Variants in LRMDA observed in about 807,000 individuals in gnomAD.
LRMDA encodes leucine rich melanocyte differentiation associated, also known as leucine-rich melanocyte differentiation-associated protein.
LRMDA carries 18 observed loss-of-function variants against 29.8 expected under a neutral mutation model. The observed-to-expected ratio is 0.60, with a 90% CI of 0.42 to 0.90. LRMDA has a LOEUF of 0.90. LRMDA is among the 40% of genes least tolerant of loss of function. The pLI is 0.00. For missense variants in LRMDA, 273 were observed against 273.9 expected, an observed-to-expected ratio of 1.00 and a Z score of 0.02; for synonymous variants, 125 against 109.4, an observed-to-expected ratio of 1.14 and a Z score of -0.89.
chr10:76,157,410 C>G (rs1898099), intron 5 of LRMDA, among the ~76,000 whole-genome samples: 105,624 of 151,948 alleles, frequency 0.7, 37,320 homozygotes, highest in East Asian at 0.85. Context: ...CTAGGAGTTT[C>G]AGACCAGCTG....
chr10:75,965,416 T>C (rs1267980719), intron 2 of LRMDA, among the ~76,000 whole-genome samples: 1 of 152,216 alleles, frequency 6.6e-6, no homozygotes, highest in Non-Finnish European at 1.5e-5. Flanking sequence ...TTCTAAATTA[T>C]GAGAATGTAT....
At chr10:75,605,411 T>A (rs568180509) in intron 2 of LRMDA, among the ~76,000 whole-genome samples, 38 of 152,320 alleles carry the variant, frequency 2.5e-4, no homozygotes, top group African/African-American at 6.3e-4. Context: ...AAATTTCCCG[T>A]GTTTGCCCCA....
At chr10:75,674,441 C>T (rs996451728) in intron 2 of LRMDA, among the ~76,000 whole-genome samples, 2 of 152,046 alleles carry the variant, frequency 1.3e-5, no homozygotes, top group Non-Finnish European at 2.9e-5. Context: ...CTTATGGCTT[C>T]CTTCAGATAT....
chr10:76,316,392 T>G (rs1160460645), intron 5 of LRMDA, among the ~76,000 whole-genome samples: 2 of 152,062 alleles, frequency 1.3e-5, no homozygotes, highest in Non-Finnish European at 2.9e-5. Context: ...GGCCGTGCGC[T>G]GTGGCCGAAC....
rs189966549 is a variant in LRMDA, at chr10:76,141,763, G to T, written c.516+82980G>T. ...AGCCCCTTGGTCCATCAGCCCCAAA[G>T]CGTAATTCCTTCTAAGGTTTGCAAA... On this transcript the variant is annotated intron_variant, in intron 5 of 6. Transcript: ENST00000611255. Among the ~76,000 whole-genome samples, 29 of 152,184 alleles carry T rather than the reference G, an allele frequency of 1.9e-4. No homozygotes were observed. The East Asian group carries it at 5.4e-3, about 28-fold the overall frequency.
intron 2 of LRMDA, among the ~76,000 whole-genome samples, chr10:75,765,161 T>C (rs1461013595): frequency 2.0e-5 from 3 of 152,168 alleles, no homozygotes; most frequent in African/African-American, 4.8e-5. Flanking sequence ...ACCAGCTTCA[T>C]TTATTTCCTG....
intron 5 of LRMDA, among the ~76,000 whole-genome samples, chr10:76,318,026 C>CAGTT (rs1840721705): frequency 6.6e-6 from 1 of 152,150 alleles, no homozygotes; most frequent in South Asian, 2.1e-4. Flanking sequence ...TTTGTACTTA[C>CAGTT]AGTTGTATTA....
chr10:76,484,244 C>A (rs910044904), intron 6 of LRMDA, among the ~76,000 whole-genome samples: 4 of 151,574 alleles, frequency 2.6e-5, no homozygotes, highest in African/African-American at 9.7e-5. Context: ...CCTTCTCCTT[C>A]TACTTGTCAT....
chr10:75,905,890 G>A (rs1325821476), intron 2 of LRMDA, among the ~76,000 whole-genome samples: 1 of 152,044 alleles, frequency 6.6e-6, no homozygotes, highest in Non-Finnish European at 1.5e-5. Context: ...CTGCTGGGGA[G>A]GAGGTGGGAG....
chr10:76,050,117 A>G (rs1307379340), intron 4 of LRMDA, among the ~76,000 whole-genome samples: 5 of 152,226 alleles, frequency 3.3e-5, no homozygotes, highest in Admixed American at 1.3e-4. Flanking sequence ...GCATACATCA[A>G]AACAAGTGTG....
chr10:76,035,671 C>A (rs116512825), intron 2 of LRMDA, among the ~76,000 whole-genome samples: 12 of 152,186 alleles, frequency 7.9e-5, no homozygotes, highest in Non-Finnish European at 1.3e-4. Context: ...AGGTTAGGGT[C>A]AGCCGAGGCT....
Position 75,478,795 on chromosome 10 carries a change from A to G in LRMDA, c.131+40301A>G, listed in dbSNP as rs115933410. Among the ~76,000 whole-genome samples, 1,147 of 152,258 alleles carry G rather than the reference A, an allele frequency of 7.5e-3. 15 individuals carry two copies. The highest frequency in any genetic ancestry group is 0.026 in the African/African-American group (1,087 of 41,536). Reference sequence around the variant, plus strand: ...TGTCCCACCTGTGTGAACCTGCCTAAAAGAGTATCTCTGTGTAACAGTGAT... The same window carrying G: ...TGTCCCACCTGTGTGAACCTGCCTAGAAGAGTATCTCTGTGTAACAGTGAT... On this transcript the variant is annotated intron_variant, in intron 2 of 6. Transcript: ENST00000611255.
chr10:75,562,001 T>C (rs575816356), intron 2 of LRMDA, among the ~76,000 whole-genome samples: 1,836 of 152,192 alleles, frequency 0.012, 41 homozygotes, highest in African/African-American at 0.04. Flanking sequence ...AAAAAATGTA[T>C]ATTCTGTTGA....
chr10:75,445,973 G>A (rs769485080), intron 2 of LRMDA, among the ~76,000 whole-genome samples: 5 of 152,236 alleles, frequency 3.3e-5, no homozygotes, highest in Admixed American at 2.0e-4. Flanking sequence ...GGCTTTGGCC[G>A]GGATGAGGGT....
chr10:76,216,428 A>G (rs1304675814), intron 5 of LRMDA, among the ~76,000 whole-genome samples: 1 of 152,234 alleles, frequency 6.6e-6, no homozygotes, highest in Non-Finnish European at 1.5e-5. Context: ...GCAAATGATA[A>G]TGGATCAGTA....
chr10:76,331,250 G>A (rs1048239660), intron 6 of LRMDA, among the ~76,000 whole-genome samples: 8 of 152,098 alleles, frequency 5.3e-5, no homozygotes, highest in Non-Finnish European at 8.8e-5. Context: ...CAGCCTGGGC[G>A]ACCAAGTGAG....
At chr10:75,739,403 C>T (rs568814401) in intron 2 of LRMDA, among the ~76,000 whole-genome samples, 2 of 152,148 alleles carry the variant, frequency 1.3e-5, no homozygotes, top group African/African-American at 4.8e-5. Flanking sequence ...GTACAAAATT[C>T]ATATGCTGGG....
rs1843602787 is a variant in LRMDA, at chr10:76,559,870, A to G, written c.*2582A>G. ...CCTCGGCAATTCAAGGCTGTCCTGC[A>G]GCTCTCTGTTGCCTCAGCAATGTCA... On this transcript the variant is annotated 3_prime_UTR_variant, in exon 7 of 7. Coordinates refer to ENST00000611255, the MANE Select transcript of LRMDA (RefSeq NM_001305581.2). 1 of 152,240 alleles carries G rather than the reference A, an allele frequency of 6.6e-6. No homozygotes were observed. The highest frequency in any genetic ancestry group is 2.1e-4 in the South Asian group (1 of 4,830). The allele number at this position is 152,240 out of a possible 1,614,324, so 9.4% of individuals were successfully genotyped here. A position where few individuals can be genotyped will look rare whatever the true frequency, so the allele number is the denominator to read the frequency against.
chr10:76,416,714 A>G (rs977492879), intron 6 of LRMDA, among the ~76,000 whole-genome samples: 5 of 152,248 alleles, frequency 3.3e-5, no homozygotes, highest in African/African-American at 1.2e-4. Flanking sequence ...ATAGAGATCA[A>G]GTAGTCGTAA....
Sources: gnomAD v4.1 joint callset for allele counts (sites outside exome capture counted in the v4.1 genomes callset) on GRCh38, gnomAD v4.1.1 for gene constraint, MANE v1.5 for transcripts, NCBI Gene and HGNC (gene_info 2026-07-23, HGNC 2026-07-21) for gene names.